The following MRPL3 variants were observed in gnomAD, a reference collection of about 807,000 sequenced individuals.
MRPL3 encodes the protein mitochondrial ribosomal protein L3.
MRPL3 carries 43 observed loss-of-function variants against 44.3 expected under a neutral mutation model. That is an observed-to-expected ratio of 0.97 (90% confidence interval 0.76 to 1.25). The LOEUF (loss-of-function observed/expected upper bound fraction) is 1.25. MRPL3 is among the 50% of genes most tolerant of loss of function. The pLI, the probability that MRPL3 is intolerant of heterozygous loss-of-function variation, is 0.00. For missense variants in MRPL3, 406 were observed against 427.6 expected, an observed-to-expected ratio of 0.95 and a Z score of 0.45; for synonymous variants, 171 against 152.3, an observed-to-expected ratio of 1.12 and a Z score of -0.91.
chr3:131,498,935 A>C (rs1285219216), intron 3 of MRPL3, among the ~76,000 whole-genome samples: 1 of 152,048 alleles, frequency 6.6e-6, no homozygotes. Context: ...TAATAAAGAC[A>C]CTGATTCTCA....
In MRPL3 at chr3:131,469,754, G is replaced by A. The variant is rs1933702408; in HGVS notation, c.758C>T (p.Pro253Leu). ...CATTTTTCCAGGCATTTTAGTTCCA[G>A]GCCAGACTCTGCCAATATCCTAAAT... Reference protein sequence around the residue: ...VATGDIGRVWPGTKMPGKMGN... With the variant: ...VATGDIGRVWLGTKMPGKMGN... Residue 253 changes from proline (P) to leucine (L), a missense_variant, in exon 8 of 10, where the codon CCT (proline) becomes CTT (leucine). Physicochemically the swap from Pro to Leu is moderately conservative, Grantham distance 98. Transcript: ENST00000264995. 7.4e-6 allele frequency: 12 copies of A among 1,611,594 alleles called. No homozygotes were observed. In the East Asian group the frequency reaches 1.8e-4, roughly 24 times the overall value.
At position 131,502,839 on chromosome 3, in the gene MRPL3, C is replaced by G. The variant is rs1934529728; in HGVS notation, c.-18G>C. On this transcript the variant is annotated 5_prime_UTR_variant, in exon 1 of 10. Transcript: ENST00000264995. Reference sequence around the variant, plus strand: ...CCCGGCATGGATTAGCCCGGGAAGACTCGACTCACGACTTCCGGGCGCCCT... The same window carrying G: ...CCCGGCATGGATTAGCCCGGGAAGAGTCGACTCACGACTTCCGGGCGCCCT... 8 of 1,609,522 alleles carry G rather than the reference C, an allele frequency of 5.0e-6. No homozygotes were observed. Among genetic ancestry groups the G allele is most frequent in the Non-Finnish European group, 6.8e-6 (8 of 1,178,374 alleles).
intron 5 of MRPL3, 107 bp downstream of exon 5, chr3:131,489,874 T>A (rs1321941941): frequency 3.2e-6 from 2 of 616,942 alleles, no homozygotes; most frequent in African/African-American, 3.7e-5. Flanking sequence ...TAAAAGTAAG[T>A]GTTTGAGACT....
chr3:131,495,699 T>C (rs1934352437), intron 4 of MRPL3, among the ~76,000 whole-genome samples: 1 of 152,208 alleles, frequency 6.6e-6, no homozygotes, highest in South Asian at 2.1e-4. Flanking sequence ...AGTACTGTTA[T>C]AGTAATACTA....
intron 2 of MRPL3, among the ~76,000 whole-genome samples, chr3:131,501,021 T>C (rs1934487152): frequency 1.3e-5 from 2 of 152,230 alleles, no homozygotes; most frequent in Admixed American, 6.5e-5. Context: ...TTTTGGTAAC[T>C]ATCCAATTCG....
intron 6 of MRPL3, among the ~76,000 whole-genome samples, chr3:131,483,596 G>C (rs1385167563): frequency 6.6e-6 from 1 of 152,114 alleles, no homozygotes; most frequent in African/African-American, 2.4e-5. Context: ...ACCAACATCA[G>C]TATAGGTAAA....
intron 6 of MRPL3, among the ~76,000 whole-genome samples, chr3:131,476,215 T>C (rs928848361): frequency 2.6e-5 from 4 of 152,204 alleles, no homozygotes; most frequent in African/African-American, 4.8e-5. Context: ...AGTTATACTC[T>C]GTACAATGAG....
intron 6 of MRPL3, among the ~76,000 whole-genome samples, chr3:131,476,822 A>T (rs1026702363): frequency 1.3e-5 from 2 of 152,170 alleles, no homozygotes; most frequent in Admixed American, 6.5e-5. Context: ...CAGTCTAGAG[A>T]AGCAGAGTAA....
At chr3:131,498,309 G>A in intron 3 of MRPL3, 32 bp from the exon 4 acceptor site, 1 of 1,363,852 alleles carries the variant, frequency 7.3e-7, no homozygotes, top group Non-Finnish European at 1.0e-6. Flanking sequence ...AACTAAGCAT[G>A]TGCCAATATA....
At chr3:131,480,563 C>A (rs1933961126) in intron 6 of MRPL3, among the ~76,000 whole-genome samples, 1 of 152,178 alleles carries the variant, frequency 6.6e-6, no homozygotes, top group African/African-American at 2.4e-5. Context: ...GACATCAAAT[C>A]TAGCTCATTT....
intron 2 of MRPL3, 49 bp downstream of exon 2, chr3:131,501,482 G>A (rs776689965): frequency 2.1e-6 from 3 of 1,427,004 alleles, no homozygotes; most frequent in Admixed American, 3.7e-5. Context: ...AATGTGTCCA[G>A]CCACACAGTA....
intron 4 of MRPL3, among the ~76,000 whole-genome samples, chr3:131,495,174 G>T (rs1934339905): frequency 6.6e-6 from 1 of 152,034 alleles, no homozygotes; most frequent in African/African-American, 2.4e-5. Flanking sequence ...TTAGATATAT[G>T]AAATTTTATA....
chr3:131,468,267 A>ATCTT, intron 8 of MRPL3, 99 bp from the exon 9 acceptor site: 3 of 629,390 alleles, frequency 4.8e-6, no homozygotes, highest in Non-Finnish European at 8.2e-6. Flanking sequence ...GTAATAAAAG[A>ATCTT]TTATTACCAG....
At position 131,467,007 on chromosome 3, in the gene MRPL3, C is replaced by T. The variant is rs147283005; in HGVS notation, c.894+1084G>A. ...AGCTCTCCTCCCCACTATTTTCCCCCAGCCTCTGGTAAAACCATTCTGTTC... is the reference window on the plus strand; with the variant it reads ...AGCTCTCCTCCCCACTATTTTCCCCTAGCCTCTGGTAAAACCATTCTGTTC... On this transcript the variant is annotated intron_variant, in intron 9 of 9. Transcript: ENST00000264995. 2.7e-3 allele frequency among the ~76,000 whole-genome samples: 405 copies of T among 152,216 alleles called. 1 individual carries two copies. Among genetic ancestry groups the T allele is most frequent in the African/African-American group, 9.3e-3 (387 of 41,534 alleles).
At chr3:131,491,267 G>A (rs1320530392) in intron 4 of MRPL3, among the ~76,000 whole-genome samples, 4 of 151,870 alleles carry the variant, frequency 2.6e-5, no homozygotes, top group South Asian at 2.1e-4. Context: ...ATCTCCATAC[G>A]GTCAACCACA....
intron 6 of MRPL3, among the ~76,000 whole-genome samples, chr3:131,485,728 T>C (rs1457949870): frequency 6.6e-6 from 1 of 152,160 alleles, no homozygotes; most frequent in Non-Finnish European, 1.5e-5. Flanking sequence ...CCACATTTCA[T>C]TTCTAAATAG....
chr3:131,482,411 A>G (rs1043559712), intron 6 of MRPL3, among the ~76,000 whole-genome samples: 7 of 151,876 alleles, frequency 4.6e-5, no homozygotes, highest in African/African-American at 1.7e-4. Flanking sequence ...GCTACTCGGG[A>G]GGCTGAGGCA....
intron 5 of MRPL3, among the ~76,000 whole-genome samples, chr3:131,489,250 C>A (rs1268845172): frequency 6.6e-6 from 1 of 151,942 alleles, no homozygotes; most frequent in East Asian, 1.9e-4. Context: ...TTCCATTTAC[C>A]TTGCCTTAAA....
In MRPL3 at chr3:131,462,779, C is replaced by T. The variant is rs1338482584; in HGVS notation, c.991G>A (p.Asp331Asn). ...PDGDEEELPE[D>N]LYDENVCQPG... ...TGACACACGTTTTCATCATACAAAT[C>T]TTCTGGCAGTTCCTCTTCATCTCCA... is the stretch of plus-strand genomic sequence containing the variant. Residue 331 changes from aspartate (D) to asparagine (N), a missense_variant, in exon 10 of 10, where the codon GAT becomes AAT. By Grantham distance (23) the Asp-to-Asn change is conservative. Transcript: ENST00000264995. 8.1e-6 allele frequency: 13 copies of T among 1,613,102 alleles called. No homozygotes were observed. In the East Asian group the frequency reaches 2.9e-4, roughly 36 times the overall value.
Sources: gnomAD v4.1 joint callset for allele counts (sites outside exome capture counted in the v4.1 genomes callset) on GRCh38, gnomAD v4.1.1 for gene constraint, MANE v1.5 for transcripts, NCBI Gene and HGNC (gene_info 2026-07-23, HGNC 2026-07-21) for gene names.